The following GPC6 variants were observed in gnomAD, a reference collection of about 807,000 sequenced individuals.
GPC6 encodes glypican 6, also known as glypican-6.
A neutral mutation model predicts 55.2 loss-of-function variants in GPC6; 14 were observed. That is an observed-to-expected ratio of 0.25 (90% confidence interval 0.17 to 0.40). The LOEUF (loss-of-function observed/expected upper bound fraction) is 0.40. GPC6 is among the 10% of genes least tolerant of loss of function. The pLI is 1.00. For missense variants in GPC6, 641 were observed against 708.5 expected, an observed-to-expected ratio of 0.90 and a Z score of 1.08; for synonymous variants, 278 against 259.6, an observed-to-expected ratio of 1.07 and a Z score of -0.68.
chr13:93,245,513 A>G (rs762239340), intron 1 of GPC6, among the ~76,000 whole-genome samples: 7 of 152,186 alleles, frequency 4.6e-5, no homozygotes, highest in Non-Finnish European at 8.8e-5. Flanking sequence ...TCCACCTCCC[A>G]GACTTTCTGA....
At chr13:93,647,842 A>G (rs1392964107) in intron 2 of GPC6, among the ~76,000 whole-genome samples, 1 of 152,100 alleles carries the variant, frequency 6.6e-6, no homozygotes, top group Non-Finnish European at 1.5e-5. Context: ...TTTTCTGTTC[A>G]AAGTCCTGAG....
intron 1 of GPC6, among the ~76,000 whole-genome samples, chr13:93,286,097 G>A (rs922084717): frequency 6.6e-6 from 1 of 152,210 alleles, no homozygotes; most frequent in African/African-American, 2.4e-5. Flanking sequence ...AAAGGAAGGA[G>A]GTTTAATTGA....
rs1411529760 is a variant in GPC6 at position 93,545,219 on chromosome 13, A to G, written c.161-44A>G. ...GAAGTGAAATCTCTAACGTCTACCAAAAGTCCTTAGAATGCAATAGTGACA... is the reference window on the plus strand; with the variant it reads ...GAAGTGAAATCTCTAACGTCTACCAGAAGTCCTTAGAATGCAATAGTGACA... On this transcript the variant is annotated intron_variant, in intron 1 of 8. Transcript: ENST00000377047. The G allele has an allele frequency of 1.9e-6, 3 of 1,551,798 alleles. No individual in the cohort carries two copies. In the African/African-American group the frequency reaches 4.1e-5, roughly 21 times the overall value.
chr13:93,764,122 C>T (rs1469639731), intron 2 of GPC6, among the ~76,000 whole-genome samples: 1 of 152,058 alleles, frequency 6.6e-6, no homozygotes, highest in Non-Finnish European at 1.5e-5. Context: ...AATTTAGATA[C>T]CTAGTCCTAA....
chr13:94,391,539 T>C (rs1205968539), intron 7 of GPC6, among the ~76,000 whole-genome samples: 1 of 152,192 alleles, frequency 6.6e-6, no homozygotes, highest in Non-Finnish European at 1.5e-5. Flanking sequence ...TTACGTTGAA[T>C]AATCCAACTT....
intron 2 of GPC6, among the ~76,000 whole-genome samples, chr13:93,799,854 C>T (rs1886315428): frequency 6.6e-6 from 1 of 152,148 alleles, no homozygotes; most frequent in African/African-American, 2.4e-5. Flanking sequence ...TCCCTAGATT[C>T]AGTAGGCTGT....
At chr13:93,276,877 C>T (rs993157825) in intron 1 of GPC6, among the ~76,000 whole-genome samples, 3 of 152,170 alleles carry the variant, frequency 2.0e-5, no homozygotes, top group African/African-American at 7.2e-5. Context: ...TCTTTTCCTG[C>T]TATTCTCTTA....
At chr13:93,965,741 C>T (rs773668848) in intron 3 of GPC6, among the ~76,000 whole-genome samples, 19 of 152,108 alleles carry the variant, frequency 1.2e-4, no homozygotes, top group Non-Finnish European at 2.5e-4. Flanking sequence ...GAGCCCTTGT[C>T]AAGCCACCAG....
intron 7 of GPC6, among the ~76,000 whole-genome samples, chr13:94,386,760 T>C (rs1269847570): frequency 6.6e-6 from 1 of 152,160 alleles, no homozygotes; most frequent in African/African-American, 2.4e-5. Flanking sequence ...TTTCTTCCTC[T>C]CTTTCTGTTT....
chr13:94,067,285 T>G (rs746105753), intron 4 of GPC6, among the ~76,000 whole-genome samples: 2 of 152,202 alleles, frequency 1.3e-5, no homozygotes, highest in African/African-American at 2.4e-5. Context: ...GATTAGAAGT[T>G]TAACTCAGTC....
intron 1 of GPC6, among the ~76,000 whole-genome samples, chr13:93,239,060 C>T (rs1216641499): frequency 1.3e-5 from 2 of 151,716 alleles, no homozygotes; most frequent in African/African-American, 2.4e-5. Context: ...ATTTTTTTGT[C>T]GTGTCTTTCC....
intron 3 of GPC6, among the ~76,000 whole-genome samples, chr13:94,015,322 G>T (rs577365408): frequency 2.6e-5 from 4 of 152,124 alleles, no homozygotes; most frequent in South Asian, 2.1e-4. Flanking sequence ...AGCCATTTGC[G>T]TATCTTCTTT....
At chr13:93,597,088 T>C (rs1877790494) in intron 2 of GPC6, among the ~76,000 whole-genome samples, 1 of 151,716 alleles carries the variant, frequency 6.6e-6, no homozygotes, top group Admixed American at 6.6e-5. Flanking sequence ...TTCCCTCTTA[T>C]GGTTCTATCT....
intron 4 of GPC6, among the ~76,000 whole-genome samples, chr13:94,048,533 C>A (rs1000978101): frequency 1.3e-5 from 2 of 151,834 alleles, no homozygotes; most frequent in South Asian, 2.1e-4. Context: ...TCAGCTTCAA[C>A]GATAATTCAT....
intron 4 of GPC6, among the ~76,000 whole-genome samples, chr13:94,034,187 GAGAA>G (rs201894177): frequency 1.7e-4 from 23 of 133,348 alleles, no homozygotes; most frequent in African/African-American, 6.0e-4. Context: ...TACTTGCTGA[GAGAA>G]AGAAAGAAAG....
At chr13:94,049,706 T>A (rs1883870554) in intron 4 of GPC6, among the ~76,000 whole-genome samples, 1 of 152,112 alleles carries the variant, frequency 6.6e-6, no homozygotes, top group African/African-American at 2.4e-5. Context: ...AAAATTTTCA[T>A]CATCCTCCCC....
Position 93,780,533 on chromosome 13 carries a change from C to CT in GPC6, c.320-49620dup, listed in dbSNP as rs1885607165. ...TCTTCATTATTAAACAGCTGGCACT[C>CT]TAACTATATGAAATTTCATTAAATT... is the stretch of plus-strand genomic sequence containing the variant. On this transcript the variant is annotated intron_variant, in intron 2 of 8. Transcript: ENST00000377047. 2.0e-5 allele frequency among the ~76,000 whole-genome samples: 3 copies of CT among 151,926 alleles called. No individual in the cohort carries two copies. The South Asian group carries it at 6.2e-4, about 32-fold the overall frequency.
chr13:93,435,292 A>T (rs1158898530), intron 1 of GPC6, among the ~76,000 whole-genome samples: 2 of 151,318 alleles, frequency 1.3e-5, no homozygotes, highest in Non-Finnish European at 2.9e-5. Context: ...TATTATTATT[A>T]TTATTTAGTG....
chr13:93,328,926 CT>C (rs1238563986), intron 1 of GPC6, among the ~76,000 whole-genome samples: 5 of 152,104 alleles, frequency 3.3e-5, no homozygotes, highest in African/African-American at 1.2e-4. Context: ...AGGTAGACTC[CT>C]GTCAGTTCAA....
Sources: allele counts gnomAD v4.1 joint callset (sites outside exome capture counted in the v4.1 genomes callset), GRCh38; gene constraint gnomAD v4.1.1; transcripts MANE v1.5; gene names NCBI Gene and HGNC (gene_info 2026-07-23, HGNC 2026-07-21).